ERICH1: variants seen among roughly 807,000 people sequenced by gnomAD.
The protein encoded by ERICH1 is glutamate-rich protein 1.
A neutral mutation model predicts 39.6 loss-of-function variants in ERICH1; 56 were observed. The observed-to-expected ratio is 1.41, with a 90% CI of 1.14 to 1.77. ERICH1 has a LOEUF of 1.77. Among genes scored for constraint, ERICH1 ranks in the 40% most tolerant of loss-of-function variants. ERICH1 has a pLI of 0.00. For missense variants in ERICH1, 826 were observed against 575.4 expected, an observed-to-expected ratio of 1.44 and a Z score of -4.45; for synonymous variants, 313 against 223.6, an observed-to-expected ratio of 1.40 and a Z score of -3.57.
intron 3 of ERICH1, among the ~76,000 whole-genome samples, chr8:689,262 C>G (rs1808369709): frequency 6.6e-6 from 1 of 152,166 alleles, no homozygotes; most frequent in African/African-American, 2.4e-5. Context: ...CAGGTACATG[C>G]CACCACACCT....
At chr8:694,754 A>G (rs1809742889) in intron 2 of ERICH1, among the ~76,000 whole-genome samples, 1 of 152,216 alleles carries the variant, frequency 6.6e-6, no homozygotes, top group Non-Finnish European at 1.5e-5. Flanking sequence ...TGTATGGTTT[A>G]CTGTGAGGAC....
intron 5 of ERICH1, among the ~76,000 whole-genome samples, chr8:665,237 G>A (rs999090364): frequency 6.6e-6 from 1 of 151,988 alleles, no homozygotes; most frequent in African/African-American, 2.4e-5. Context: ...CAGGGACATG[G>A]CTCCGACCTC....
intron 2 of ERICH1, among the ~76,000 whole-genome samples, chr8:701,702 A>G (rs1280586404): frequency 6.6e-6 from 1 of 152,224 alleles, no homozygotes; most frequent in African/African-American, 2.4e-5. Context: ...TAGATTTTAG[A>G]TAAAGATTTC....
At chr8:663,496 C>T (rs1420695223), downstream of ERICH1, among the ~76,000 whole-genome samples, 1 of 151,238 alleles carries the variant, frequency 6.6e-6, no homozygotes, top group Non-Finnish European at 1.5e-5. Context: ...ACCCACACAG[C>T]GTCTGGGACA....
chr8:632,418 T>C (rs79141147), intron 3 of ERICH1, among the ~76,000 whole-genome samples: 2,356 of 152,260 alleles, frequency 0.015, 60 homozygotes, highest in African/African-American at 0.051. Context: ...AAAGATCAAA[T>C]AGACCAAAGG....
intron 3 of ERICH1, chr8:616,539 C>T (rs756711212): frequency 5.9e-5 from 27 of 455,776 alleles, no homozygotes; most frequent in South Asian, 1.1e-4. Flanking sequence ...GACCACAACA[C>T]GCACATCTGG....
intron 2 of ERICH1, among the ~76,000 whole-genome samples, chr8:712,738 T>C (rs1355244743): frequency 6.6e-6 from 1 of 152,250 alleles, no homozygotes; most frequent in Non-Finnish European, 1.5e-5. Flanking sequence ...ACTTGTTCTT[T>C]GCTGACATAT....
At position 673,452 on chromosome 8, in the gene ERICH1, G is replaced by A. The variant is rs141188134; in HGVS notation, c.900C>T (p.Asp300=). The A allele has an allele frequency of 2.2e-5, 35 of 1,613,662 alleles. No individual in the cohort carries two copies. Among genetic ancestry groups the A allele is most frequent in the East Asian group, 1.1e-4 (5 of 44,878 alleles). ...CCCATGTCGGGTCTTCCTCGCTGGC[G>A]TCCGCACCGTCCTCCTCCCTGGTGT... The part of the protein sequence containing the change: ...GKDTREEDGA[D]ASEEDPTWAG... The change falls in exon 4 of 6, where the codon GAC becomes GAT. Residue 300 remains aspartate (D), a synonymous_variant. Transcript: ENST00000262109.
At position 700,365 on chromosome 8, in the gene ERICH1, CCGCACAGG is replaced by C. The variant is rs1811736665; in HGVS notation, c.170-7761_170-7754del. Among the ~76,000 whole-genome samples the C allele has an allele frequency of 2.9e-5, 3 of 104,014 alleles. 1 individual carries two copies. Among genetic ancestry groups the C allele is most frequent in the African/African-American group, 6.3e-5 (2 of 31,842 alleles). 68.2% of individuals were successfully genotyped at this position (104,014 alleles called of 152,430 possible). On this transcript the variant is annotated intron_variant, in intron 2 of 5. Coordinates refer to ENST00000262109, the MANE Select transcript of ERICH1 (RefSeq NM_207332.3). ...CACAGATCCGCACACGCGCACAGGCCCGCACAGGCGCACAGGCCCGCACACGCGCACAG... is the reference window on the plus strand; with the variant it reads ...CACAGATCCGCACACGCGCACAGGCCCGCACAGGCCCGCACACGCGCACAG...
Position 673,413 on chromosome 8 carries a change from C to T in ERICH1, c.939G>A (p.Glu313=), listed in dbSNP as rs765459456. ...CGTCCTCCTCCCCGGAGTCTGCACC[C>T]TCTTCCTCCCCAGCCCATGTCGGGT... ...EEDPTWAGEE[E]GADSGEEDGA... is the part of the protein sequence containing the mutation. Residue 313 remains glutamate, a synonymous_variant, in exon 4 of 6, where the codon GAG becomes GAA. Transcript: ENST00000262109. The T allele has an allele frequency of 1.2e-6, 2 of 1,613,080 alleles. No homozygotes were observed. The highest frequency in any genetic ancestry group is 1.7e-5 in the Admixed American group (1 of 59,930).
chr8:708,692 T>TTTTTTTTTTTTTTTTTTTTTTTTTTTTC (rs1813961016), intron 2 of ERICH1, among the ~76,000 whole-genome samples: 1 of 17,686 alleles, frequency 5.7e-5, no homozygotes, highest in Non-Finnish European at 1.6e-4. Context: ...TTTTTTTTTT[T>TTTTTTTTTTTTTTTTTTTTTTTTTTTTC]TTTTTTTTTT....
chr8:637,224 C>G (rs1017553264), intron 3 of ERICH1, among the ~76,000 whole-genome samples: 3 of 152,238 alleles, frequency 2.0e-5, no homozygotes, highest in African/African-American at 7.2e-5. Flanking sequence ...CTGTGAAACA[C>G]CCGGTGGGGT....
In ERICH1 at chr8:673,614, C is replaced by A. The variant is rs1028711548; in HGVS notation, c.738G>T (p.Arg246Ser). 4.5e-6 allele frequency: 7 copies of A among 1,549,408 alleles called. No individual in the cohort carries two copies. The highest frequency in any genetic ancestry group is 4.4e-6 in the Non-Finnish European group (5 of 1,127,822). Residue 246 changes from arginine to serine, a missense_variant, in exon 4 of 6, where the codon AGG becomes AGT. Coordinates refer to ENST00000262109, the MANE Select transcript of ERICH1 (RefSeq NM_207332.3). ...DASEEDLTRA[R>S]QEEGADASEE... ...CACTGGCGTCCGCACCCTCTTCCTG[C>A]CTGGCCCGTGTCAGGTCTTCCTCGC...
At chr8:619,695 T>C (rs913461103) in intron 3 of ERICH1, among the ~76,000 whole-genome samples, 1 of 152,196 alleles carries the variant, frequency 6.6e-6, no homozygotes, top group African/African-American at 2.4e-5. Context: ...CAATATATTG[T>C]TGGGTTTGTA....
chr8:664,991 G>C (rs1322873520), intron 5 of ERICH1, among the ~76,000 whole-genome samples: 1 of 152,120 alleles, frequency 6.6e-6, no homozygotes, highest in Non-Finnish European at 1.5e-5. Flanking sequence ...CTTAACATCA[G>C]ACCTGGAAGA....
chr8:721,226 C>G (rs1283825498), intron 1 of ERICH1, among the ~76,000 whole-genome samples: 1 of 152,138 alleles, frequency 6.6e-6, no homozygotes, highest in East Asian at 1.9e-4. Flanking sequence ...ATATTTACAG[C>G]TGCTAAAATA....
At chr8:684,123 T>C (rs1342338326) in intron 3 of ERICH1, among the ~76,000 whole-genome samples, 2 of 152,334 alleles carry the variant, frequency 1.3e-5, no homozygotes, top group African/African-American at 2.4e-5. Flanking sequence ...TTTCTATAAC[T>C]TTCCATAAAA....
chr8:623,648 A>C (rs562390824), intron 3 of ERICH1, among the ~76,000 whole-genome samples: 295 of 152,352 alleles, frequency 1.9e-3, no homozygotes, highest in South Asian at 6.6e-3. Flanking sequence ...TTTTGTGTGC[A>C]TGAAGAACAG....
At chr8:724,799 G>A (rs897844061) in intron 1 of ERICH1, among the ~76,000 whole-genome samples, 1 of 152,190 alleles carries the variant, frequency 6.6e-6, no homozygotes, top group African/African-American at 2.4e-5. Flanking sequence ...GCCCCGTGTT[G>A]TTTGCACGGG....
Sources: allele counts gnomAD v4.1 joint callset (sites outside exome capture counted in the v4.1 genomes callset), GRCh38; gene constraint gnomAD v4.1.1; transcripts MANE v1.5; gene names NCBI Gene and HGNC (gene_info 2026-07-23, HGNC 2026-07-21).